The following CSMD1 variants were observed in gnomAD, a reference collection of about 807,000 sequenced individuals.
CSMD1 encodes CUB and sushi domain-containing protein 1.
CSMD1 carries 213 observed loss-of-function variants against 417.5 expected under a neutral mutation model. The observed-to-expected ratio is 0.51, with a 90% CI of 0.46 to 0.57. The LOEUF (loss-of-function observed/expected upper bound fraction) is 0.57. Ranked by LOEUF, CSMD1 falls within the 20% of genes least tolerant of loss-of-function variation. The pLI is 0.00. For synonymous variants in CSMD1, 2,862 were observed against 1,736.8 expected (o/e 1.65, Z -16.11); for missense variants, 6,923 against 4,529.7 (o/e 1.53, Z -15.17).
intron 26 of CSMD1, among the ~76,000 whole-genome samples, chr8:3,269,545 G>C (rs1801680505): frequency 6.6e-6 from 1 of 152,214 alleles, no homozygotes; most frequent in Admixed American, 6.5e-5. Context: ...GAGGTGTCAT[G>C]TAGCTGTTAC....
At chr8:4,565,901 A>G (rs1798585101) in intron 2 of CSMD1, among the ~76,000 whole-genome samples, 1 of 150,978 alleles carries the variant, frequency 6.6e-6, no homozygotes, top group Admixed American at 6.6e-5. Flanking sequence ...TTTTCCTCAT[A>G]GAAATAATGT....
intron 12 of CSMD1, among the ~76,000 whole-genome samples, chr8:3,430,666 G>A (rs189948075): frequency 8.5e-5 from 13 of 152,196 alleles, no homozygotes; most frequent in Admixed American, 5.2e-4. Context: ...AAGTAGCCAG[G>A]TGTGATGGCA....
intron 10 of CSMD1, among the ~76,000 whole-genome samples, chr8:3,529,443 G>T (rs1258626327): frequency 6.6e-6 from 1 of 152,158 alleles, no homozygotes; most frequent in East Asian, 1.9e-4. Context: ...AGGAATTTTT[G>T]TAAGACAGAA....
At chr8:3,800,343 T>C (rs1236192038) in intron 5 of CSMD1, among the ~76,000 whole-genome samples, 2 of 152,134 alleles carry the variant, frequency 1.3e-5, no homozygotes, top group Non-Finnish European at 2.9e-5. Flanking sequence ...TGTCAAAATA[T>C]TATTGTTCCG....
chr8:4,867,193 G>T (rs552012945), intron 1 of CSMD1, among the ~76,000 whole-genome samples: 2 of 151,892 alleles, frequency 1.3e-5, no homozygotes, highest in Non-Finnish European at 2.9e-5. Context: ...AAAAAATGGT[G>T]CATCGTTCCA....
intron 12 of CSMD1, among the ~76,000 whole-genome samples, chr8:3,414,773 T>C (rs1192653949): frequency 2.0e-5 from 3 of 152,180 alleles, no homozygotes; most frequent in Non-Finnish European, 2.9e-5. Flanking sequence ...CCTGAGGGTG[T>C]CTCCCCTCTT....
At chr8:4,786,430 T>C (rs1328708830) in intron 1 of CSMD1, among the ~76,000 whole-genome samples, 3 of 152,232 alleles carry the variant, frequency 2.0e-5, no homozygotes, top group Admixed American at 1.3e-4. Flanking sequence ...ATGTGGCATC[T>C]CCAGCATTCA....
At chr8:4,721,891 G>C (rs1407053850) in intron 1 of CSMD1, among the ~76,000 whole-genome samples, 3 of 152,070 alleles carry the variant, frequency 2.0e-5, no homozygotes, top group Non-Finnish European at 4.4e-5. Flanking sequence ...TGAAACTGAA[G>C]GGCATTATGT....
chr8:3,960,431 C>A (rs904178226), intron 5 of CSMD1, among the ~76,000 whole-genome samples: 1 of 152,076 alleles, frequency 6.6e-6, no homozygotes, highest in African/African-American at 2.4e-5. Flanking sequence ...TCCCTCAATG[C>A]TAGTGAGAAA....
intron 57 of CSMD1, among the ~76,000 whole-genome samples, chr8:2,972,888 G>A (rs1209652736): frequency 6.6e-6 from 1 of 152,120 alleles, no homozygotes; most frequent in African/African-American, 2.4e-5. Flanking sequence ...TCCGTGTTAC[G>A]AACTTTCAAA....
intron 32 of CSMD1, among the ~76,000 whole-genome samples, chr8:3,200,924 G>T (rs1004811292): frequency 6.6e-6 from 1 of 152,170 alleles, no homozygotes; most frequent in African/African-American, 2.4e-5. Flanking sequence ...TTTAGTAAAT[G>T]ATGAAAATGT....
At chr8:4,317,642 A>C (rs1230403783) in intron 3 of CSMD1, among the ~76,000 whole-genome samples, 1 of 152,158 alleles carries the variant, frequency 6.6e-6, no homozygotes, top group African/African-American at 2.4e-5. Flanking sequence ...AGACAATTTT[A>C]TTTACTGACA....
chr8:4,113,369 T>A (rs1446504924), intron 3 of CSMD1, among the ~76,000 whole-genome samples: 1 of 149,224 alleles, frequency 6.7e-6, no homozygotes, highest in Non-Finnish European at 1.5e-5. Context: ...AATAAAATGT[T>A]CTTCAAGGAA....
At chr8:3,903,791 G>A (rs549961407) in intron 5 of CSMD1, among the ~76,000 whole-genome samples, 43 of 152,204 alleles carry the variant, frequency 2.8e-4, no homozygotes, top group Non-Finnish European at 4.7e-4. Context: ...TGAGCCTCTC[G>A]GATCAGTGTT....
intron 3 of CSMD1, among the ~76,000 whole-genome samples, chr8:4,111,700 A>T (rs28656124): frequency 2.0e-5 from 3 of 152,180 alleles, no homozygotes; most frequent in Non-Finnish European, 4.4e-5. Flanking sequence ...GTTCTCACTT[A>T]TAAGTGGGAG....
chr8:4,873,028 G>T (rs926848020), intron 1 of CSMD1, among the ~76,000 whole-genome samples: 7 of 151,968 alleles, frequency 4.6e-5, no homozygotes, highest in Admixed American at 4.6e-4. Context: ...ATTGTGAAAT[G>T]GTTACCACAA....
At chr8:2,957,152 G>C (rs1280442055) in intron 63 of CSMD1, among the ~76,000 whole-genome samples, 2 of 152,044 alleles carry the variant, frequency 1.3e-5, no homozygotes, top group African/African-American at 4.8e-5. Flanking sequence ...AAAATAAAAT[G>C]TGATCCTTAA....
In CSMD1 at chr8:2,999,990, T is replaced by C. The variant is rs751171564; in HGVS notation, c.8171A>G (p.His2724Arg). The C allele has an allele frequency of 6.2e-7, 1 of 1,609,980 alleles. No homozygotes were observed. The highest frequency in any genetic ancestry group is 1.7e-5 in the Admixed American group (1 of 59,138). ...GTSVRICLQD[H>R]KWSGQTPVCV... ...GACAGGCGTTTGTCCAGACCACTTG[T>C]GGTCTTGCAGGCATATCCTCACGGA... Residue 2724 changes from histidine to arginine, a missense_variant, in exon 53 of 70, where the codon CAC becomes CGC. By Grantham distance (29) the His-to-Arg change is conservative (BLOSUM62 0). Transcript: ENST00000635120.
At chr8:4,090,832 T>C (rs1006307776) in intron 3 of CSMD1, among the ~76,000 whole-genome samples, 22 of 152,020 alleles carry the variant, frequency 1.4e-4, no homozygotes, top group African/African-American at 4.3e-4. Flanking sequence ...AATGAAAAAA[T>C]AGAAATATTT....
Sources: allele counts gnomAD v4.1 joint callset (sites outside exome capture counted in the v4.1 genomes callset), GRCh38; gene constraint gnomAD v4.1.1; transcripts MANE v1.5; gene names NCBI Gene and HGNC (gene_info 2026-07-23, HGNC 2026-07-21).